Variants in NRCAM observed in about 807,000 individuals in gnomAD.
NRCAM encodes the protein NgCAM-related cell adhesion molecule.
Under a neutral mutation model 156.5 loss-of-function variants are expected in NRCAM, and 83 were observed. That is an observed-to-expected ratio of 0.53 (90% CI 0.44 to 0.64). NRCAM has a LOEUF of 0.64. Among genes scored for constraint, NRCAM ranks in the 30% least tolerant of loss-of-function variants. NRCAM has a pLI of 0.00. For missense variants in NRCAM, 1,417 were observed against 1,597.3 expected, an observed-to-expected ratio of 0.89 and a Z score of 1.92; for synonymous variants, 538 against 563.9, an observed-to-expected ratio of 0.95 and a Z score of 0.65.
At chr7:108,293,072 C>T (rs149141745) in intron 3 of NRCAM, among the ~76,000 whole-genome samples, 3 of 152,028 alleles carry the variant, frequency 2.0e-5, no homozygotes, top group Non-Finnish European at 2.9e-5. Context: ...AGAGGTCAAC[C>T]CAGAAAACGG....
chr7:108,357,620 C>A (rs1482910570), intron 2 of NRCAM, among the ~76,000 whole-genome samples: 1 of 151,972 alleles, frequency 6.6e-6, no homozygotes, highest in Admixed American at 6.6e-5. Flanking sequence ...TGTGAGCCAC[C>A]GGGCCCGGCC....
At chr7:108,165,251 A>G (rs1225551609) in intron 30 of NRCAM, among the ~76,000 whole-genome samples, 1 of 152,030 alleles carries the variant, frequency 6.6e-6, no homozygotes, top group African/African-American at 2.4e-5. Flanking sequence ...GGGTATAGTG[A>G]GGCCTTTCTT....
intron 3 of NRCAM, among the ~76,000 whole-genome samples, chr7:108,246,460 A>C (rs1443511016): frequency 6.6e-6 from 1 of 152,116 alleles, no homozygotes; most frequent in South Asian, 2.1e-4. Flanking sequence ...AGCGGTTTGG[A>C]GCAGGAACAA....
intron 3 of NRCAM, among the ~76,000 whole-genome samples, chr7:108,256,718 T>C (rs965136187): frequency 1.4e-4 from 22 of 152,124 alleles, no homozygotes; most frequent in Admixed American, 1.4e-3. Flanking sequence ...ATGAAATCTT[T>C]AGAAATGCAA....
At chr7:108,262,176 G>T (rs1188224211) in intron 3 of NRCAM, among the ~76,000 whole-genome samples, 2 of 151,984 alleles carry the variant, frequency 1.3e-5, no homozygotes, top group Admixed American at 6.5e-5. Flanking sequence ...GGGACCCTAG[G>T]CTAACACAAG....
rs138146979 is a variant in NRCAM at position 108,282,440 on chromosome 7, A to C, written c.-107+30225T>G. ...ACTCATCTACCTATTTTTTTAAAAG[A>C]AATTTTTGCTTACCTGGAACTTGCT... On this transcript the variant is annotated intron_variant, in intron 3 of 32. Transcript: ENST00000379028. Among the ~76,000 whole-genome samples, 506 of 152,326 alleles carry C rather than the reference A, an allele frequency of 3.3e-3. 3 individuals are homozygous for C. The highest frequency in any genetic ancestry group is 0.012 in the African/African-American group (479 of 41,574).
At chr7:108,193,172 G>C (rs1346993203) in intron 17 of NRCAM, among the ~76,000 whole-genome samples, 1 of 152,116 alleles carries the variant, frequency 6.6e-6, no homozygotes, top group Non-Finnish European at 1.5e-5. Flanking sequence ...ACAGGTGTGA[G>C]ACCACCACAC....
At chr7:108,403,604 G>C (rs1209855478) in intron 1 of NRCAM, among the ~76,000 whole-genome samples, 4 of 152,104 alleles carry the variant, frequency 2.6e-5, no homozygotes, top group Non-Finnish European at 5.9e-5. Flanking sequence ...TCATTTGCTG[G>C]ATAAAGGTTT....
intron 2 of NRCAM, among the ~76,000 whole-genome samples, chr7:108,322,802 T>C (rs959555763): frequency 1.3e-5 from 2 of 152,210 alleles, no homozygotes; most frequent in Non-Finnish European, 2.9e-5. Context: ...TTGCTAACTA[T>C]AGTTAAGTTC....
intron 2 of NRCAM, among the ~76,000 whole-genome samples, chr7:108,322,635 T>C (rs1001869871): frequency 1.3e-5 from 2 of 152,182 alleles, no homozygotes; most frequent in Admixed American, 1.3e-4. Flanking sequence ...GCATTATAGA[T>C]ATCTCGGTAG....
intron 7 of NRCAM, 80 bp from the exon 8 acceptor site, chr7:108,231,233 T>C: frequency 9.9e-7 from 1 of 1,014,652 alleles, no homozygotes; most frequent in South Asian, 1.8e-5. Flanking sequence ...AAAGGCAAAC[T>C]GAAGTTTTGG....
chr7:108,422,664 G>A (rs1811641231), intron 1 of NRCAM, among the ~76,000 whole-genome samples: 1 of 151,792 alleles, frequency 6.6e-6, no homozygotes, highest in Non-Finnish European at 1.5e-5. Flanking sequence ...GAGGACTGAA[G>A]TGAATCTACA....
chr7:108,398,826 T>C (rs984236512), intron 2 of NRCAM, among the ~76,000 whole-genome samples: 9 of 152,242 alleles, frequency 5.9e-5, no homozygotes, highest in African/African-American at 1.9e-4. Context: ...ATTTGGCAGA[T>C]ATTCCTTGAA....
intron 1 of NRCAM, among the ~76,000 whole-genome samples, chr7:108,425,810 T>G (rs908235755): frequency 2.0e-5 from 3 of 152,198 alleles, no homozygotes; most frequent in African/African-American, 7.2e-5. Flanking sequence ...TCTAGGTGCG[T>G]CCTGAACAGA....
intron 6 of NRCAM, among the ~76,000 whole-genome samples, chr7:108,233,878 T>C (rs2094600013): frequency 6.6e-6 from 1 of 152,182 alleles, no homozygotes; most frequent in African/African-American, 2.4e-5. Flanking sequence ...CTGTGGGGCC[T>C]TGAATAAGTT....
At chr7:108,341,353 T>TA (rs2154270063) in intron 2 of NRCAM, among the ~76,000 whole-genome samples, 1 of 152,288 alleles carries the variant, frequency 6.6e-6, no homozygotes, top group South Asian at 2.1e-4. Flanking sequence ...TTCTCAGTCT[T>TA]ACTCTCCTGT....
At chr7:108,179,742 T>C (rs1039703848) in intron 25 of NRCAM, among the ~76,000 whole-genome samples, 1 of 152,196 alleles carries the variant, frequency 6.6e-6, no homozygotes, top group Non-Finnish European at 1.5e-5. Context: ...TCTAACTCGG[T>C]TCAACTTTCT....
Position 108,335,434 on chromosome 7 carries a change from C to CTTTTTTTTTTTTTTTTTTTTTTTTTTTTT in NRCAM, c.-173-22704_-173-22703insAAAAAAAAAAAAAAAAAAAAAAAAAAAAA, listed in dbSNP as rs58975301. On this transcript the variant is annotated intron_variant, in intron 2 of 32. Transcript: ENST00000379028. ...ATGTCCTGTGGATCTGTTCCACCTG[C>CTTTTTTTTTTTTTTTTTTTTTTTTTTTTT]TTTTTTTTTTTTTTTTTTTTTTTTT... 2.0e-4 allele frequency among the ~76,000 whole-genome samples: 14 copies of CTTTTTTTTTTTTTTTTTTTTTTTTTTTTT among 69,878 alleles called. 2 individuals are homozygous for CTTTTTTTTTTTTTTTTTTTTTTTTTTTTT. Among genetic ancestry groups the CTTTTTTTTTTTTTTTTTTTTTTTTTTTTT allele is most frequent in the African/African-American group, 2.3e-4 (4 of 17,040 alleles). 45.8% of individuals were successfully genotyped at this position (69,878 alleles called of 152,430 possible).
At chr7:108,249,917 A>C (rs2096231346) in intron 3 of NRCAM, among the ~76,000 whole-genome samples, 1 of 152,212 alleles carries the variant, frequency 6.6e-6, no homozygotes, top group Non-Finnish European at 1.5e-5. Flanking sequence ...TTTAGGTAGA[A>C]ATACAGCGAC....
Sources: allele counts gnomAD v4.1 joint callset (sites outside exome capture counted in the v4.1 genomes callset), GRCh38; gene constraint gnomAD v4.1.1; transcripts MANE v1.5; gene names NCBI Gene and HGNC (gene_info 2026-07-23, HGNC 2026-07-21).